The following PCCA variants were observed in gnomAD, a reference collection of about 807,000 sequenced individuals.
The protein encoded by PCCA is propionyl-CoA carboxylase subunit alpha, also known as propionyl-CoA carboxylase alpha chain, mitochondrial.
Under a neutral mutation model 101.3 loss-of-function variants are expected in PCCA, and 74 were observed. The ratio of observed to expected loss-of-function variants is 0.73; its 90% CI spans 0.61 to 0.89. The LOEUF is 0.89. Ranked by LOEUF, PCCA falls within the 40% of genes least tolerant of loss-of-function variation. The pLI, the probability that PCCA is intolerant of heterozygous loss-of-function variation, is 0.00. For synonymous variants in PCCA, 294 were observed against 313.6 expected, an observed-to-expected ratio of 0.94 and a Z score of 0.66; for missense variants, 891 against 907.0, an observed-to-expected ratio of 0.98 and a Z score of 0.23.
At chr13:100,173,011 T>TA (rs1176456954) in intron 6 of PCCA, among the ~76,000 whole-genome samples, 6 of 152,166 alleles carry the variant, frequency 3.9e-5, no homozygotes, top group African/African-American at 1.4e-4. Context: ...CTTTTTTTTT[T>TA]ACCCATCCTT....
intron 12 of PCCA, among the ~76,000 whole-genome samples, chr13:100,296,416 ATT>A (rs764824813): frequency 3.0e-5 from 4 of 134,608 alleles, no homozygotes; most frequent in Admixed American, 1.5e-4. Context: ...ATTTTTTTGT[ATT>A]TTTTTTTTTT....
At chr13:100,412,519 T>C (rs2078115703) in intron 19 of PCCA, among the ~76,000 whole-genome samples, 1 of 152,242 alleles carries the variant, frequency 6.6e-6, no homozygotes, top group Non-Finnish European at 1.5e-5. Context: ...ACCATTTTTC[T>C]ATTTCTTATT....
At chr13:100,500,189 C>T (rs557495963) in intron 21 of PCCA, among the ~76,000 whole-genome samples, 1 of 152,136 alleles carries the variant, frequency 6.6e-6, no homozygotes, top group South Asian at 2.1e-4. Context: ...TCACCAGGCT[C>T]TCCACATTCT....
chr13:100,324,385 T>C (rs1233234393), intron 16 of PCCA, among the ~76,000 whole-genome samples: 1 of 152,198 alleles, frequency 6.6e-6, no homozygotes, highest in African/African-American at 2.4e-5. Context: ...TGCAGGTCCA[T>C]TTATCTTGGA....
intron 22 of PCCA, among the ~76,000 whole-genome samples, chr13:100,526,320 G>A (rs528584611): frequency 3.3e-4 from 50 of 152,328 alleles, no homozygotes; most frequent in African/African-American, 9.9e-4. Context: ...AAAGGGCAGC[G>A]CGGGCAGCGC....
At chr13:100,420,025 G>C (rs60117179) in intron 19 of PCCA, among the ~76,000 whole-genome samples, 5,787 of 152,302 alleles carry the variant, frequency 0.038, 415 homozygotes, top group African/African-American at 0.13. Flanking sequence ...CTACTCCAGT[G>C]TTTTCACAGT....
At chr13:100,192,437 G>C (rs1456090012) in intron 6 of PCCA, among the ~76,000 whole-genome samples, 1 of 152,208 alleles carries the variant, frequency 6.6e-6, no homozygotes, top group Non-Finnish European at 1.5e-5. Flanking sequence ...ATACATGACT[G>C]TGTTAAGCAG....
chr13:100,175,792 T>C (rs914625431), intron 6 of PCCA, among the ~76,000 whole-genome samples: 1 of 152,188 alleles, frequency 6.6e-6, no homozygotes, highest in South Asian at 2.1e-4. Context: ...TAAAGCAGGA[T>C]GAAAATGCAA....
chr13:100,356,385 T>C (rs1018213348), intron 18 of PCCA, among the ~76,000 whole-genome samples: 1 of 152,132 alleles, frequency 6.6e-6, no homozygotes, highest in East Asian at 1.9e-4. Flanking sequence ...TTGTCTAGTA[T>C]AGGGAATTCT....
intron 19 of PCCA, among the ~76,000 whole-genome samples, chr13:100,411,435 G>C (rs1479372085): frequency 6.6e-6 from 1 of 152,110 alleles, no homozygotes; most frequent in Non-Finnish European, 1.5e-5. Flanking sequence ...TGACCAGGCT[G>C]TGCCTCCTGA....
chr13:100,299,602 A>G (rs9557412), intron 12 of PCCA, among the ~76,000 whole-genome samples: 66,074 of 152,008 alleles, frequency 0.43, 16,105 homozygotes, highest in South Asian at 0.65. Context: ...TTATATGGGC[A>G]CTGGTCATAG....
At chr13:100,471,108 G>T (rs529193607) in intron 21 of PCCA, among the ~76,000 whole-genome samples, 2 of 152,192 alleles carry the variant, frequency 1.3e-5, no homozygotes, top group Non-Finnish European at 2.9e-5. Context: ...CCTTTCACTT[G>T]AACACTTAGA....
intron 19 of PCCA, among the ~76,000 whole-genome samples, chr13:100,386,823 G>C (rs1595704312): frequency 6.6e-6 from 1 of 152,222 alleles, no homozygotes; most frequent in Non-Finnish European, 1.5e-5. Flanking sequence ...CTGTGAGTTG[G>C]GGAGCTGGAG....
intron 21 of PCCA, among the ~76,000 whole-genome samples, chr13:100,497,481 T>C (rs2085357345): frequency 6.6e-6 from 1 of 151,414 alleles, no homozygotes. Context: ...TTTTTTTTAA[T>C]TTTAGTGGCA....
chr13:100,522,491 A>G (rs1335033021), intron 22 of PCCA, among the ~76,000 whole-genome samples: 1 of 152,044 alleles, frequency 6.6e-6, no homozygotes, highest in Non-Finnish European at 1.5e-5. Context: ...TGCATTCCTT[A>G]CAGTTGCTAG....
chr13:100,277,034 A>AT (rs1289600424), intron 12 of PCCA, among the ~76,000 whole-genome samples: 1 of 152,070 alleles, frequency 6.6e-6, no homozygotes, highest in Non-Finnish European at 1.5e-5. Context: ...GATTTTTCAA[A>AT]TTTTTTTCTG....
intron 4 of PCCA, among the ~76,000 whole-genome samples, chr13:100,151,522 G>T (rs2053318736): frequency 6.6e-6 from 1 of 151,974 alleles, no homozygotes; most frequent in Non-Finnish European, 1.5e-5. Context: ...AACCTGGGAG[G>T]TGGAGGTTGC....
intron 8 of PCCA, among the ~76,000 whole-genome samples, chr13:100,238,473 C>T (rs2060938695): frequency 6.6e-6 from 1 of 152,026 alleles, no homozygotes; most frequent in Admixed American, 6.6e-5. Flanking sequence ...TGTCCTTCTT[C>T]TAATTCTTCC....
At chr13:100,244,537 A>G (rs780584556) in intron 8 of PCCA, among the ~76,000 whole-genome samples, 14 of 150,706 alleles carry the variant, frequency 9.3e-5, no homozygotes, top group Non-Finnish European at 1.6e-4. Context: ...TCCTTTTTCT[A>G]TTACTCTGTT....
Sources: allele counts gnomAD v4.1 joint callset (sites outside exome capture counted in the v4.1 genomes callset), GRCh38; gene constraint gnomAD v4.1.1; transcripts MANE v1.5; gene names NCBI Gene and HGNC (gene_info 2026-07-23, HGNC 2026-07-21).